Variants in NCAM1 observed in about 807,000 individuals in gnomAD.
NCAM1 encodes neural cell adhesion molecule 1.
A neutral mutation model predicts 109.8 loss-of-function variants in NCAM1; 14 were observed. The observed-to-expected ratio is 0.13, with a 90% CI of 0.08 to 0.20. NCAM1 has a LOEUF of 0.20. Among genes scored for constraint, NCAM1 ranks in the 10% least tolerant of loss-of-function variants. The pLI is 1.00. For synonymous variants in NCAM1, 418 were observed against 442.9 expected, an observed-to-expected ratio of 0.94 and a Z score of 0.70; for missense variants, 774 against 1,109.9, an observed-to-expected ratio of 0.70 and a Z score of 4.30.
At chr11:113,249,535 T>C (rs782628432) in intron 15 of NCAM1, among the ~76,000 whole-genome samples, 1 of 152,306 alleles carries the variant, frequency 6.6e-6, no homozygotes, top group East Asian at 1.9e-4. Context: ...CACATTCTTC[T>C]TCATAACCAA....
chr11:113,134,389 G>A (rs1941523808), intron 1 of NCAM1, among the ~76,000 whole-genome samples: 1 of 152,026 alleles, frequency 6.6e-6, no homozygotes, highest in Non-Finnish European at 1.5e-5. Context: ...TTCACCCACT[G>A]ATGGACATCT....
At chr11:113,268,400 G>T (rs782146860) in intron 17 of NCAM1, among the ~76,000 whole-genome samples, 1 of 152,202 alleles carries the variant, frequency 6.6e-6, no homozygotes, top group Non-Finnish European at 1.5e-5. Context: ...GGGGGAATGC[G>T]CTAGGATCTT....
At position 113,158,574 on chromosome 11, in the gene NCAM1, T is replaced by A. The variant is rs372371515; in HGVS notation, c.53-43805T>A. 3.3e-5 allele frequency among the ~76,000 whole-genome samples: 5 copies of A among 152,352 alleles called. No individual in the cohort carries two copies. The East Asian group carries it at 7.7e-4, about 23-fold the overall frequency. ...CTCTCCCCTTGTCCCTCCATCTTTG[T>A]TGCTCCTGTAATAAGCCAATCCCTG... On this transcript the variant is annotated intron_variant, in intron 1 of 19. Coordinates refer to ENST00000316851, the MANE Select transcript of NCAM1 (RefSeq NM_181351.5).
intron 1 of NCAM1, among the ~76,000 whole-genome samples, chr11:113,014,388 G>A (rs1477696097): frequency 6.6e-6 from 1 of 152,112 alleles, no homozygotes; most frequent in Non-Finnish European, 1.5e-5. Flanking sequence ...TTTGTGTGCA[G>A]AGCCTTGGTC....
chr11:113,099,555 G>GA (rs1400508510), intron 1 of NCAM1, among the ~76,000 whole-genome samples: 2 of 152,190 alleles, frequency 1.3e-5, no homozygotes, highest in Admixed American at 1.3e-4. Flanking sequence ...CCAGAAGCAT[G>GA]AAAGGAGCTG....
chr11:113,058,341 TA>T (rs1222503021), intron 1 of NCAM1, among the ~76,000 whole-genome samples: 1 of 152,034 alleles, frequency 6.6e-6, no homozygotes, highest in East Asian at 1.9e-4. Context: ...CTATAAAATA[TA>T]AAGGAGAAGG....
At chr11:113,188,495 C>G (rs1943579828) in intron 1 of NCAM1, among the ~76,000 whole-genome samples, 1 of 152,204 alleles carries the variant, frequency 6.6e-6, no homozygotes, top group South Asian at 2.1e-4. Flanking sequence ...AAACTTGAAT[C>G]TCTCAGCATT....
chr11:113,255,258 G>A (rs979641227), intron 15 of NCAM1, among the ~76,000 whole-genome samples: 160 of 152,218 alleles, frequency 1.1e-3, no homozygotes, highest in African/African-American at 3.7e-3. Context: ...CAAAAAACTT[G>A]CCTGGGGCAA....
chr11:113,275,483 C>A lies in NCAM1; in HGVS notation c.*96C>A. ...CCACAGACACACACACGCACGCACA[C>A]ACACAAACACACATGCACACACACA... is the stretch of plus-strand genomic sequence containing the variant. On this transcript the variant is annotated 3_prime_UTR_variant, in exon 20 of 20. Coordinates refer to ENST00000316851, the MANE Select transcript of NCAM1 (RefSeq NM_181351.5). 1 of 1,394,864 alleles carries A rather than the reference C, an allele frequency of 7.2e-7. No individual in the cohort carries two copies. The highest frequency in any genetic ancestry group is 9.8e-7 in the Non-Finnish European group (1 of 1,018,710). The allele number at this position is 1,394,864 out of a possible 1,614,324, so 86.4% of individuals were successfully genotyped here. A position where few individuals can be genotyped will look rare whatever the true frequency, so the allele number is the denominator to read the frequency against.
At chr11:113,096,470 G>A (rs547077797) in intron 1 of NCAM1, among the ~76,000 whole-genome samples, 5 of 152,194 alleles carry the variant, frequency 3.3e-5, no homozygotes, top group Admixed American at 2.6e-4. Context: ...TGTGTGTTAC[G>A]TTCAGGTTAA....
intron 1 of NCAM1, among the ~76,000 whole-genome samples, chr11:113,058,060 G>A (rs913884618): frequency 4.6e-5 from 7 of 152,190 alleles, no homozygotes; most frequent in Non-Finnish European, 7.4e-5. Flanking sequence ...CGAGGTGGGC[G>A]TATTATGAGG....
intron 1 of NCAM1, among the ~76,000 whole-genome samples, chr11:113,055,724 G>A (rs1173924220): frequency 1.3e-5 from 2 of 151,740 alleles, no homozygotes; most frequent in Non-Finnish European, 2.9e-5. Flanking sequence ...ACGCAGCAAA[G>A]GTGATGAGAT....
At position 113,031,697 on chromosome 11, in the gene NCAM1, GAAAAGA is replaced by G. The variant is rs782366462; in HGVS notation, c.52+70050_52+70055del. Among the ~76,000 whole-genome samples the G allele has an allele frequency of 5.4e-5, 8 of 146,844 alleles. 1 individual carries two copies. The highest frequency in any genetic ancestry group is 4.2e-4 in the South Asian group (2 of 4,706). On this transcript the variant is annotated intron_variant, in intron 1 of 19. Transcript: ENST00000316851. Reference sequence around the variant, plus strand: ...AAGTGAGACTGTCTCAAAAAAAAAAGAAAAGAAAAAGAAAAAGAAAAAAGGACACTT... The same window carrying G: ...AAGTGAGACTGTCTCAAAAAAAAAAGAAAAGAAAAAGAAAAAAGGACACTT...
chr11:113,121,631 A>G (rs1311430360), intron 1 of NCAM1, among the ~76,000 whole-genome samples: 8 of 151,716 alleles, frequency 5.3e-5, no homozygotes, highest in Non-Finnish European at 1.0e-4. Context: ...CAGGAGTAGA[A>G]TTTACTGTGG....
intron 1 of NCAM1, among the ~76,000 whole-genome samples, chr11:113,134,471 T>A (rs1389955251): frequency 6.6e-6 from 1 of 152,208 alleles, no homozygotes; most frequent in Non-Finnish European, 1.5e-5. Context: ...ATCTTTTGAT[T>A]GGATGAATGG....
At chr11:113,007,182 GTCTGTA>G (rs1951913793) in intron 1 of NCAM1, among the ~76,000 whole-genome samples, 1 of 152,086 alleles carries the variant, frequency 6.6e-6, no homozygotes, top group Non-Finnish European at 1.5e-5. Context: ...TGTAAGATCT[GTCTGTA>G]TCCTCTCTTT....
chr11:113,183,408 T>C (rs1269380059), intron 1 of NCAM1, among the ~76,000 whole-genome samples: 1 of 152,178 alleles, frequency 6.6e-6, no homozygotes, highest in African/African-American at 2.4e-5. Flanking sequence ...TTTTACCCAG[T>C]AATTTAAGAA....
chr11:113,135,890 A>G (rs2136158249), intron 1 of NCAM1, among the ~76,000 whole-genome samples: 1 of 152,332 alleles, frequency 6.6e-6, no homozygotes, highest in African/African-American at 2.4e-5. Flanking sequence ...ATGTGCCCCA[A>G]AATTAGTATC....
At chr11:113,184,073 T>G (rs1943417143) in intron 1 of NCAM1, among the ~76,000 whole-genome samples, 1 of 152,196 alleles carries the variant, frequency 6.6e-6, no homozygotes, top group Non-Finnish European at 1.5e-5. Context: ...AAGGAAGAGC[T>G]AACAAATCAC....
Sources: gnomAD v4.1 joint callset for allele counts (sites outside exome capture counted in the v4.1 genomes callset) on GRCh38, gnomAD v4.1.1 for gene constraint, MANE v1.5 for transcripts, NCBI Gene and HGNC (gene_info 2026-07-23, HGNC 2026-07-21) for gene names.